The following FGD4 variants were observed in gnomAD, a reference collection of about 807,000 sequenced individuals.
FGD4 encodes FYVE, RhoGEF and PH domain containing 4, also known as FYVE, RhoGEF and PH domain-containing protein 4.
In FGD4, 42 loss-of-function variants were observed where a neutral mutation model predicts 102.0. The observed-to-expected ratio is 0.41, with a 90% confidence interval of 0.32 to 0.53. FGD4 has a LOEUF of 0.53. Ranked by LOEUF, FGD4 falls within the 20% of genes least tolerant of loss-of-function variation. The probability of loss-of-function intolerance (pLI) is 0.21; values close to 1 mark genes in which losing one functional copy is unlikely to be tolerated. For missense variants in FGD4, 902 were observed against 1,078.2 expected, an observed-to-expected ratio of 0.84 and a Z score of 2.29; for synonymous variants, 380 against 375.7, an observed-to-expected ratio of 1.01 and a Z score of -0.13.
intron 1 of FGD4, among the ~76,000 whole-genome samples, chr12:32,548,388 G>C (rs1437117454): frequency 6.6e-6 from 1 of 152,116 alleles, no homozygotes; most frequent in African/African-American, 2.4e-5. Context: ...CCAGAAATTT[G>C]CTTTTGTATT....
chr12:32,407,286 C>T (rs1049840213), intron 1 of FGD4, among the ~76,000 whole-genome samples: 2 of 151,734 alleles, frequency 1.3e-5, no homozygotes, highest in African/African-American at 4.8e-5. Context: ...CCACTATGCC[C>T]AGCTAATTTT....
chr12:32,468,970 C>T (rs925364330), intron 1 of FGD4, among the ~76,000 whole-genome samples: 4 of 151,688 alleles, frequency 2.6e-5, no homozygotes, highest in Admixed American at 6.6e-5. Flanking sequence ...GGATTACAGG[C>T]GCCTGCCACC....
At chr12:32,467,681 T>G (rs1356124190) in intron 1 of FGD4, among the ~76,000 whole-genome samples, 1 of 152,200 alleles carries the variant, frequency 6.6e-6, no homozygotes, top group Non-Finnish European at 1.5e-5. Flanking sequence ...TCTTGTATTT[T>G]TTTAATTGTT....
At chr12:32,520,250 T>C (rs1214540846) in intron 1 of FGD4, among the ~76,000 whole-genome samples, 2 of 152,148 alleles carry the variant, frequency 1.3e-5, no homozygotes, top group Admixed American at 1.3e-4. Context: ...TTGTGAAATA[T>C]TTTACAATTT....
At chr12:32,479,748 T>C (rs1943672501) in intron 1 of FGD4, among the ~76,000 whole-genome samples, 1 of 151,278 alleles carries the variant, frequency 6.6e-6, no homozygotes, top group Non-Finnish European at 1.5e-5. Context: ...TGACCTTCTC[T>C]GCAGAAATAT....
chr12:32,418,240 G>A (rs1941499236), intron 1 of FGD4, among the ~76,000 whole-genome samples: 1 of 152,116 alleles, frequency 6.6e-6, no homozygotes, highest in Admixed American at 6.5e-5. Context: ...ACAGGCGTGA[G>A]CCACCGCGCC....
At chr12:32,555,626 C>CT (rs1422077974) in intron 1 of FGD4, among the ~76,000 whole-genome samples, 1 of 141,162 alleles carries the variant, frequency 7.1e-6, no homozygotes, top group African/African-American at 2.7e-5. Flanking sequence ...GGCTGAAGTG[C>CT]AGTGGCGCCA....
intron 1 of FGD4, chr12:32,512,040 T>C (rs2958116): frequency 6.6e-6 from 1 of 152,230 alleles, no homozygotes; most frequent in African/African-American, 2.4e-5. Flanking sequence ...CTTTGAATTA[T>C]TCTTTTTTAT....
At chr12:32,635,829 A>G (rs1041748944) in intron 15 of FGD4, among the ~76,000 whole-genome samples, 1 of 152,044 alleles carries the variant, frequency 6.6e-6, no homozygotes, top group Admixed American at 6.6e-5. Flanking sequence ...CCTGGTCAAC[A>G]TGGTGAAACC....
At chr12:32,492,937 C>T (rs934320007) in intron 1 of FGD4, among the ~76,000 whole-genome samples, 1 of 152,200 alleles carries the variant, frequency 6.6e-6, no homozygotes, top group Non-Finnish European at 1.5e-5. Flanking sequence ...CAGGAACAGA[C>T]AGTGAAGGTG....
At chr12:32,621,020 C>A (rs1949810068) in intron 11 of FGD4, among the ~76,000 whole-genome samples, 1 of 151,986 alleles carries the variant, frequency 6.6e-6, no homozygotes. Flanking sequence ...ATCATAGCTA[C>A]CTCACGCATG....
intron 1 of FGD4, among the ~76,000 whole-genome samples, chr12:32,560,372 C>T (rs1944440118): frequency 6.6e-6 from 1 of 152,104 alleles, no homozygotes; most frequent in African/African-American, 2.4e-5. Flanking sequence ...GCACCTCGGC[C>T]TTCTAAGTAG....
chr12:32,499,877 G>A (rs904770390), intron 1 of FGD4, among the ~76,000 whole-genome samples: 7 of 152,220 alleles, frequency 4.6e-5, no homozygotes, highest in African/African-American at 9.6e-5. Flanking sequence ...AATTAGCTGG[G>A]TGTGGTGGCA....
intron 1 of FGD4, among the ~76,000 whole-genome samples, chr12:32,481,724 G>A (rs1038095806): frequency 6.6e-6 from 1 of 151,980 alleles, no homozygotes; most frequent in Non-Finnish European, 1.5e-5. Context: ...GGGAGGCTGA[G>A]GTGGAAGGAT....
chr12:32,564,014 G>GGGGAGAGGGAGAGGGA lies in FGD4; in HGVS notation c.167-119_167-104dup, dbSNP rs1944957487. On this transcript the variant is annotated intron_variant, in intron 1 of 16. Transcript: ENST00000534526. The stretch of plus-strand genomic sequence containing the variant: ...TGGAAAGAGAGGGAGACCGTGGAAA[G>GGGGAGAGGGAGAGGGA]GGGAGAGGGAGAGGGAGGGGGAGGG... 10 of 898,856 alleles carry GGGGAGAGGGAGAGGGA rather than the reference G, an allele frequency of 1.1e-5. No homozygotes were observed. In the South Asian group the frequency reaches 1.7e-4, roughly 16 times the overall value. 55.7% of individuals were successfully genotyped at this position (898,856 alleles called of 1,614,324 possible). A position where few individuals can be genotyped will look rare whatever the true frequency, so the allele number is the denominator to read the frequency against.
chr12:32,474,715 G>T (rs1160733936), intron 1 of FGD4, among the ~76,000 whole-genome samples: 1 of 152,072 alleles, frequency 6.6e-6, no homozygotes, highest in African/African-American at 2.4e-5. Context: ...TTTGAGAATA[G>T]CCTGGACAAC....
chr12:32,576,545 ATATCT>A (rs1487489424), intron 3 of FGD4, 96 bp downstream of exon 3: 3 of 1,370,644 alleles, frequency 2.2e-6, no homozygotes, highest in Admixed American at 1.8e-5. Context: ...AAAAAGCATA[ATATCT>A]TATTCCATTA....
chr12:32,608,060 T>C lies in FGD4; in HGVS notation c.1508T>C (p.Leu503Ser), dbSNP rs555510533. The stretch of plus-strand genomic sequence containing the variant: ...CTCCTTAAGGACTATCTAAGGAAAT[T>C]GCCTCCTGATTCCCTGGACTGGAAT... ...EMLLKDYLRK[L>S]PPDSLDWNDA... The change falls in exon 8 of 17, where the codon TTG (leucine) becomes TCG (serine). Residue 503 changes from leucine to serine, a missense_variant. Physicochemically the swap from Leu to Ser is moderately radical, Grantham distance 145. Around this residue, in one of 2 missense-constraint regions of FGD4, gnomAD observed 459 missense variants for 619.0 expected, o/e 0.74. Coordinates refer to ENST00000534526, the MANE Select transcript of FGD4 (RefSeq NM_001370298.3). 20 of 1,614,218 alleles carry C rather than the reference T, an allele frequency of 1.2e-5. No individual in the cohort carries two copies. In the African/African-American group the frequency reaches 2.5e-4, roughly 20 times the overall value.
Position 32,401,283 on chromosome 12 carries a change from G to A in FGD4, c.166+1324G>A, listed in dbSNP as rs185383952. 1.7e-4 allele frequency among the ~76,000 whole-genome samples: 26 copies of A among 152,214 alleles called. No individual in the cohort carries two copies. The East Asian group carries it at 5.0e-3, about 29-fold the overall frequency. ...ACCAAATTCCTTATTTTTGTGAGAC[G>A]GAGTCTCACTCTGTCGCCCAAGCTG... On this transcript the variant is annotated intron_variant, in intron 1 of 16. Transcript: ENST00000534526.
Sources: gnomAD v4.1 joint callset for allele counts (sites outside exome capture counted in the v4.1 genomes callset) on GRCh38, gnomAD v4.1.1 for gene constraint, gnomAD v4.1.1 regional missense constraint, MANE v1.5 for transcripts, NCBI Gene and HGNC (gene_info 2026-07-23, HGNC 2026-07-21) for gene names.